The following USP48 variants were observed in gnomAD, a reference collection of about 807,000 sequenced individuals.
The protein encoded by USP48 is ubiquitin specific peptidase 48, also known as ubiquitin carboxyl-terminal hydrolase 48.
A neutral mutation model predicts 150.7 loss-of-function variants in USP48; 43 were observed. The observed-to-expected ratio is 0.29, with a 90% CI of 0.22 to 0.37. USP48 has a LOEUF of 0.37. Ranked by LOEUF, USP48 falls within the 10% of genes least tolerant of loss-of-function variation. USP48 has a pLI of 1.00. For synonymous variants in USP48, 396 were observed against 425.9 expected (o/e 0.93, Z 0.86); for missense variants, 813 against 1,249.6 (o/e 0.65, Z 5.27).
At chr1:21,729,938 T>C in intron 9 of USP48, 106 bp from the exon 10 acceptor site, 1 of 1,349,460 alleles carries the variant, frequency 7.4e-7, no homozygotes, top group Non-Finnish European at 1.0e-6. Flanking sequence ...CCAAGACACA[T>C]TAACACCAAT....
At chr1:21,746,801 C>T (rs992482927) in intron 8 of USP48, among the ~76,000 whole-genome samples, 4 of 152,084 alleles carry the variant, frequency 2.6e-5, no homozygotes, top group Admixed American at 2.0e-4. Context: ...CAGTAAAATA[C>T]CTTTTTCATT....
At chr1:21,696,265 C>A (rs1318830865) in intron 22 of USP48, among the ~76,000 whole-genome samples, 1 of 151,910 alleles carries the variant, frequency 6.6e-6, no homozygotes, top group Non-Finnish European at 1.5e-5. Flanking sequence ...ATGGAGAAAC[C>A]CCCCTCTCTA....
chr1:21,715,460 A>T lies in USP48; in HGVS notation c.1895-3T>A. ...TTTTCTTTCTTCCTTTGATTCATCT[A>T]ATCAAAAGAAATACAAATGATATCT... is the stretch of plus-strand genomic sequence containing the variant. On this transcript the variant is annotated splice_polypyrimidine_tract_variant and splice_region_variant and intron_variant, in intron 14 of 26. Coordinates refer to ENST00000308271, the MANE Select transcript of USP48 (RefSeq NM_032236.8). 1 of 1,542,528 alleles carries T rather than the reference A, an allele frequency of 6.5e-7. No individual in the cohort carries two copies. The highest frequency in any genetic ancestry group is 8.9e-7 in the Non-Finnish European group (1 of 1,117,752).
intron 1 of USP48, among the ~76,000 whole-genome samples, chr1:21,781,605 G>A (rs528046119): frequency 6.6e-6 from 1 of 152,046 alleles, no homozygotes; most frequent in East Asian, 1.9e-4. Context: ...GTGGTGGCCC[G>A]TGCCTCTAAT....
intron 13 of USP48, 39 bp from the exon 14 acceptor site, chr1:21,721,205 T>C: frequency 6.2e-7 from 1 of 1,609,338 alleles, no homozygotes; most frequent in Non-Finnish European, 8.5e-7. Context: ...ATAAGTAATA[T>C]TTCCAAACAC....
At chr1:21,689,143 C>T (rs1489649561) in intron 24 of USP48, among the ~76,000 whole-genome samples, 1 of 150,108 alleles carries the variant, frequency 6.7e-6, no homozygotes, top group South Asian at 2.1e-4. Flanking sequence ...AAAATCTCAG[C>T]AGAGATAGAT....
chr1:21,729,870 GC>G (rs2097752094), intron 9 of USP48, 38 bp from the exon 10 acceptor site: 1 of 1,613,086 alleles, frequency 6.2e-7, no homozygotes, highest in African/African-American at 1.3e-5. Context: ...TAACTTAAGT[GC>G]CTAGAGTTTG....
intron 8 of USP48, among the ~76,000 whole-genome samples, chr1:21,737,882 T>TGC (rs2097771966): frequency 6.6e-6 from 1 of 152,038 alleles, no homozygotes; most frequent in South Asian, 2.1e-4. Flanking sequence ...TACAAATCTT[T>TGC]GCACAGATCT....
intron 5 of USP48, among the ~76,000 whole-genome samples, chr1:21,752,155 T>A (rs1481983461): frequency 2.0e-5 from 3 of 152,240 alleles, no homozygotes; most frequent in South Asian, 4.1e-4. Flanking sequence ...TGTGGTGAAG[T>A]CTAGGTTTTA....
intron 8 of USP48, among the ~76,000 whole-genome samples, chr1:21,745,687 C>G (rs2097792901): frequency 6.6e-6 from 1 of 152,112 alleles, no homozygotes. Flanking sequence ...ATAAACTGGG[C>G]AAATATATAA....
chr1:21,692,785 T>C (rs1289135522), intron 23 of USP48, among the ~76,000 whole-genome samples: 4 of 151,984 alleles, frequency 2.6e-5, no homozygotes, highest in African/African-American at 9.7e-5. Context: ...GTCAGTTCCA[T>C]GAAAGGGGCC....
chr1:21,685,940 ATCC>A lies in USP48; in HGVS notation c.3058+1248_3058+1250del, dbSNP rs1307659497. On this transcript the variant is annotated intron_variant, in intron 25 of 26. Transcript: ENST00000308271. ...GGGACCAGCCTGGCCAATATGGGAA[ATCC>A]TCATCTCTAGTAAAAATACAAAAAT... 3 of 152,288 alleles carry A rather than the reference ATCC, an allele frequency of 2.0e-5. No homozygotes were observed. In the East Asian group the frequency reaches 5.8e-4, roughly 30 times the overall value. 9.4% of individuals were successfully genotyped at this position (152,288 alleles called of 1,614,324 possible). A position where few individuals can be genotyped will look rare whatever the true frequency, so the allele number is the denominator to read the frequency against.
chr1:21,733,073 T>C (rs577920584), intron 9 of USP48, among the ~76,000 whole-genome samples: 338 of 152,282 alleles, frequency 2.2e-3, no homozygotes, highest in Non-Finnish European at 3.7e-3. Context: ...GGAATTAAAA[T>C]ACCAGGAACA....
At chr1:21,728,447 T>C (rs2097745890) in intron 11 of USP48, 123 bp downstream of exon 11, 1 of 1,492,760 alleles carries the variant, frequency 6.7e-7, no homozygotes, top group Non-Finnish European at 8.9e-7. Flanking sequence ...TTAGAGTGTT[T>C]AAGCTGGCTT....
At chr1:21,687,354 T>C (rs2097582814) in intron 24 of USP48, 115 bp from the exon 25 acceptor site, 2 of 986,232 alleles carry the variant, frequency 2.0e-6, no homozygotes, top group Admixed American at 2.3e-5. Flanking sequence ...CACTGTCCAG[T>C]AGATAACTCA....
At position 21,678,797 on chromosome 1, in the gene USP48, T is replaced by A. The variant is rs2097557736; in HGVS notation, c.*620A>T. The A allele has an allele frequency of 6.5e-6, 1 of 153,968 alleles. No homozygotes were observed. The highest frequency in any genetic ancestry group is 2.4e-5 in the African/African-American group (1 of 41,390). 9.5% of individuals were successfully genotyped at this position (153,968 alleles called of 1,614,324 possible). ...CAGGAGACATGCAGGTGCCCCCTCC[T>A]TTACCCAATACCAAGAGACAGACGG... On this transcript the variant is annotated 3_prime_UTR_variant, in exon 27 of 27. Coordinates refer to ENST00000308271, the MANE Select transcript of USP48 (RefSeq NM_032236.8).
At chr1:21,764,336 A>G (rs2097856667) in intron 1 of USP48, among the ~76,000 whole-genome samples, 1 of 151,608 alleles carries the variant, frequency 6.6e-6, no homozygotes, top group Admixed American at 6.6e-5. Context: ...CTGCTCAGGA[A>G]GCTGAGACAA....
intron 25 of USP48, 79 bp from the exon 26 acceptor site, chr1:21,680,913 G>T: frequency 1.7e-6 from 2 of 1,148,354 alleles, no homozygotes; most frequent in South Asian, 1.4e-5. Context: ...AATGCTTAAA[G>T]ACAAAAGTTT....
intron 8 of USP48, among the ~76,000 whole-genome samples, chr1:21,744,796 AAAAAAAT>A (rs1464864261): frequency 2.0e-5 from 3 of 151,210 alleles, no homozygotes; most frequent in African/African-American, 7.3e-5. Flanking sequence ...AAAAAAAAAA[AAAAAAAT>A]GCTAAGCTTT....
Sources: allele counts gnomAD v4.1 joint callset (sites outside exome capture counted in the v4.1 genomes callset), GRCh38; gene constraint gnomAD v4.1.1; transcripts MANE v1.5; gene names NCBI Gene and HGNC (gene_info 2026-07-23, HGNC 2026-07-21).